NRL: variants seen among roughly 807,000 people sequenced by gnomAD.
NRL encodes neural retina-specific leucine zipper protein.
Under a neutral mutation model 12.5 loss-of-function variants are expected in NRL, and 16 were observed. That is an observed-to-expected ratio of 1.28 (90% CI 0.87 to 1.95). NRL has a LOEUF of 1.95. Ranked by LOEUF, NRL falls within the 30% of genes most tolerant of loss-of-function variation. NRL has a pLI of 0.00. For missense variants in NRL, 314 were observed against 325.8 expected, an observed-to-expected ratio of 0.96 and a Z score of 0.28; for synonymous variants, 142 against 150.9, an observed-to-expected ratio of 0.94 and a Z score of 0.43.
In NRL at chr14:24,081,623, C is replaced by T. The variant is rs2036307787; in HGVS notation, c.382-55G>A. 1 of 1,546,760 alleles carries T rather than the reference C, an allele frequency of 6.5e-7. No homozygotes were observed. On this transcript the variant is annotated intron_variant, in intron 2 of 2. Coordinates refer to ENST00000561028, the MANE Select transcript of NRL (RefSeq NM_001354768.3). This position sits in a 1 kb window ranked among gnomAD's most constrained non-coding sequence, Gnocchi z 4.4. ...AGCGCCAGGTCGCACCCGGCTCTGC[C>T]CTGAGGGCCCGACGCTACCTGGCTC...
chr14:24,085,681 A>C lies in NRL; in HGVS notation c.-27-2806T>G, dbSNP rs1304682670. The stretch of plus-strand genomic sequence containing the variant: ...ACACAGAGGCCTGGGTGTCCATCAG[A>C]CCCCAAAGGTCATCACTTATAAAAC... On this transcript the variant is annotated intron_variant, in intron 1 of 2. Coordinates refer to ENST00000561028, the MANE Select transcript of NRL (RefSeq NM_001354768.3). The surrounding 1 kb of genome is among the most constrained non-coding windows in gnomAD (Gnocchi z 4.1). 6.6e-6 allele frequency among the ~76,000 whole-genome samples: 1 copy of C among 152,074 alleles called. No homozygotes were observed. The highest frequency in any genetic ancestry group is 2.4e-5 in the African/African-American group (1 of 41,398).
chr14:24,103,222 C>A (rs145351624), intron 1 of NRL: 6 of 1,613,910 alleles, frequency 3.7e-6, no homozygotes, highest in East Asian at 4.5e-5. Context: ...CAGCGCCATG[C>A]GCTCTGAGTC....
intron 1 of NRL, among the ~76,000 whole-genome samples, chr14:24,088,093 C>G (rs1216499823): frequency 6.6e-6 from 1 of 152,184 alleles, no homozygotes; most frequent in Non-Finnish European, 1.5e-5. Context: ...GCCCTGGGCC[C>G]TGTGCTTTAG....
chr14:24,096,976 C>T (rs1400352270), intron 1 of NRL: 2 of 1,613,098 alleles, frequency 1.2e-6, no homozygotes, highest in South Asian at 2.2e-5. Context: ...GAGATCTGGG[C>T]CAGCTTCCCA....
At position 24,099,649 on chromosome 14, in the gene NRL, G is replaced by A. The variant is rs777809319; in HGVS notation, c.-28+15073C>T. 1.4e-5 allele frequency: 22 copies of A among 1,613,460 alleles called. No individual in the cohort carries two copies. The highest frequency in any genetic ancestry group is 3.3e-4 in the Middle Eastern group (2 of 6,062). On this transcript the variant is annotated intron_variant, in intron 1 of 2. Transcript: ENST00000561028. ...GGCAAGACCAACCTGGCTATGATGC[G>A]GCCTGCACTGCCAGGCTGGAAAGTG... is the stretch of plus-strand genomic sequence containing the variant.
chr14:24,114,484 G>T, intron 1 of NRL: 1 of 177,348 alleles, frequency 5.6e-6, no homozygotes. Context: ...AAAGTGCGAT[G>T]CCAAATGATC....
intron 1 of NRL, among the ~76,000 whole-genome samples, chr14:24,101,264 C>A (rs1459649680): frequency 2.6e-5 from 4 of 152,198 alleles, no homozygotes; most frequent in Non-Finnish European, 5.9e-5. Flanking sequence ...CAGAATAATA[C>A]CCTGTGTTAG....
At chr14:24,084,220 C>T (rs927729522) in intron 1 of NRL, among the ~76,000 whole-genome samples, 1 of 152,192 alleles carries the variant, frequency 6.6e-6, no homozygotes, top group Non-Finnish European at 1.5e-5. Context: ...ACCTGTCACC[C>T]TTGAGAGGAC....
chr14:24,096,307 C>T (rs538604245), intron 1 of NRL, among the ~76,000 whole-genome samples: 7 of 131,924 alleles, frequency 5.3e-5, no homozygotes, highest in East Asian at 2.5e-4. Context: ...GTCCCGATCT[C>T]GGCTCACTGC....
intron 1 of NRL, among the ~76,000 whole-genome samples, chr14:24,105,406 G>A (rs1166343952): frequency 6.6e-6 from 1 of 152,216 alleles, no homozygotes; most frequent in East Asian, 1.9e-4. Context: ...CCAGATTTTG[G>A]GGGCCTATTC....
intron 1 of NRL, among the ~76,000 whole-genome samples, chr14:24,089,181 C>A (rs1446966872): frequency 6.6e-6 from 1 of 152,134 alleles, no homozygotes; most frequent in East Asian, 1.9e-4. Context: ...AAATGATCCA[C>A]CCGCCTCAGC....
In NRL at chr14:24,079,976, T is replaced by C. The variant is rs1295544643; in HGVS notation, c.*1260A>G. 1 of 152,082 alleles carries C rather than the reference T, an allele frequency of 6.6e-6. No homozygotes were observed. Among genetic ancestry groups the C allele is most frequent in the African/African-American group, 2.4e-5 (1 of 41,394 alleles). 9.4% of individuals were successfully genotyped at this position (152,082 alleles called of 1,614,324 possible). On this transcript the variant is annotated 3_prime_UTR_variant, in exon 3 of 3. Coordinates refer to ENST00000561028, the MANE Select transcript of NRL (RefSeq NM_001354768.3). ...CCAATGCCTGCCCCTCCACCCCATT[T>C]CCATTGGCTCTCCATAACAGATGTG...
chr14:24,094,096 G>A lies in NRL; in HGVS notation c.-27-11221C>T, dbSNP rs374004093. 3.7e-6 allele frequency: 2 copies of A among 534,942 alleles called. No individual in the cohort carries two copies. Among genetic ancestry groups the A allele is most frequent in the South Asian group, 2.4e-5 (1 of 41,750 alleles). The allele number at this position is 534,942 out of a possible 1,614,324, so 33.1% of individuals were successfully genotyped here. On this transcript the variant is annotated intron_variant, in intron 1 of 2. Transcript: ENST00000561028. This position sits in a 1 kb window ranked among gnomAD's most constrained non-coding sequence, Gnocchi z 4.1. ...GGGGGGCGGGGCCTCGAAGTCGGGGGCCGAAGAGTGGACCCAGTCCTCCAA... is the reference window on the plus strand; with the variant it reads ...GGGGGGCGGGGCCTCGAAGTCGGGGACCGAAGAGTGGACCCAGTCCTCCAA...
intron 1 of NRL, chr14:24,097,038 G>A: frequency 1.9e-6 from 3 of 1,613,488 alleles, no homozygotes; most frequent in Non-Finnish European, 2.5e-6. Flanking sequence ...CAACCAGAGG[G>A]CATCCACATC....
At chr14:24,102,122 G>A (rs1389350343) in intron 1 of NRL, among the ~76,000 whole-genome samples, 2 of 152,288 alleles carry the variant, frequency 1.3e-5, no homozygotes, top group Admixed American at 6.5e-5. Flanking sequence ...CAGCTACTGG[G>A]GAGGCTGAGG....
rs777117778 is a variant in NRL, at chr14:24,096,936, G to A, written c.-27-14061C>T. The A allele has an allele frequency of 5.0e-5, 81 of 1,613,278 alleles. No homozygotes were observed. Among genetic ancestry groups the A allele is most frequent in the Non-Finnish European group, 5.9e-5 (70 of 1,179,488 alleles). On this transcript the variant is annotated intron_variant, in intron 1 of 2. Coordinates refer to ENST00000561028, the MANE Select transcript of NRL (RefSeq NM_001354768.3). Reference sequence around the variant, plus strand: ...AGCCCCTTGGGCTGGCCATCATGCCGTAGCATCCAGACCCTGCGAGTGCTT... The same window carrying A: ...AGCCCCTTGGGCTGGCCATCATGCCATAGCATCCAGACCCTGCGAGTGCTT...
intron 1 of NRL, chr14:24,103,344 C>T: frequency 4.9e-6 from 6 of 1,216,362 alleles, no homozygotes; most frequent in Non-Finnish European, 7.2e-6. Context: ...TTTTGTCCAC[C>T]CCTGGAGTCT....
intron 1 of NRL, among the ~76,000 whole-genome samples, chr14:24,111,646 C>T (rs1243211242): frequency 1.3e-5 from 2 of 152,084 alleles, no homozygotes; most frequent in African/African-American, 2.4e-5. Flanking sequence ...GGATTACAGG[C>T]GTGAGCCACC....
At chr14:24,083,640 T>A (rs753131792) in intron 1 of NRL, among the ~76,000 whole-genome samples, 8 of 152,198 alleles carry the variant, frequency 5.3e-5, no homozygotes, top group Non-Finnish European at 1.0e-4. Context: ...TTCTGACCCG[T>A]TTTCCCTTCT....
Sources: gnomAD v4.1 joint callset for allele counts (sites outside exome capture counted in the v4.1 genomes callset) on GRCh38, gnomAD v4.1.1 for gene constraint, Gnocchi (gnomAD v3.1) non-coding constraint, MANE v1.5 for transcripts, NCBI Gene and HGNC (gene_info 2026-07-23, HGNC 2026-07-21) for gene names.